The following KCTD14 variants were observed in gnomAD, a reference collection of about 807,000 sequenced individuals.
The protein encoded by KCTD14 is BTB/POZ domain-containing protein KCTD14.
A neutral mutation model predicts 5.9 loss-of-function variants in KCTD14; 7 were observed. That is an observed-to-expected ratio of 1.19 (90% confidence interval 0.68 to 2.23). KCTD14 has a LOEUF of 2.23. Among genes scored for constraint, KCTD14 ranks in the 30% most tolerant of loss-of-function variants. KCTD14 has a pLI of 0.00. For synonymous variants in KCTD14, 140 were observed against 133.1 expected (o/e 1.05, Z -0.36); for missense variants, 342 against 332.2 (o/e 1.03, Z -0.23).
At chr11:78,035,139 G>C (rs9651741) in intron 2 of KCTD14, among the ~76,000 whole-genome samples, 57,711 of 151,948 alleles carry the variant, frequency 0.38, 11,534 homozygotes, top group Non-Finnish European at 0.45. Context: ...TGTCACTTCT[G>C]GCATTCTAAA....
At position 78,023,263 on chromosome 11, in the gene KCTD14, G is replaced by C; in HGVS notation, c.-14C>G. The stretch of plus-strand genomic sequence containing the variant: ...GCCCTGCCACATGCAGATCACTTGG[G>C]CCAGCGGAAGTGCCCCTGGCTGCCC... On this transcript the variant is annotated 5_prime_UTR_variant, in exon 1 of 2. Transcript: ENST00000353172. The C allele has an allele frequency of 6.2e-7, 1 of 1,608,134 alleles. No individual in the cohort carries two copies. The highest frequency in any genetic ancestry group is 1.1e-5 in the South Asian group (1 of 90,974).
At position 78,023,178 on chromosome 11, in the gene KCTD14, G is replaced by A; in HGVS notation, c.72C>T (p.Pro24=). ...CACTTACCGTTGGCCGCCTGGGCCG[G>A]GGGGACTGGGGCAGAGGGGTCTGGC... The part of the protein sequence containing the change: ...MTSQTPLPQS[P]RPRRPTMSTV... The change falls in exon 1 of 2, where the codon CCC becomes CCT. Residue 24 remains proline, a synonymous_variant. Coordinates refer to ENST00000353172, the MANE Select transcript of KCTD14 (RefSeq NM_023930.4). The A allele has an allele frequency of 6.3e-7, 1 of 1,596,836 alleles. No homozygotes were observed. Among genetic ancestry groups the A allele is most frequent in the South Asian group, 1.1e-5 (1 of 90,572 alleles).
chr11:78,036,261 T>G (rs1857800494), intron 2 of KCTD14, among the ~76,000 whole-genome samples: 1 of 152,346 alleles, frequency 6.6e-6, no homozygotes, highest in East Asian at 1.9e-4. Flanking sequence ...CAAGTGTGAG[T>G]GTGAATGTGT....
intron 2 of KCTD14, among the ~76,000 whole-genome samples, chr11:78,033,186 C>T (rs1857678292): frequency 6.6e-6 from 1 of 152,144 alleles, no homozygotes; most frequent in Non-Finnish European, 1.5e-5. Context: ...AGGATTAGCC[C>T]CTAGAGCACA....
intron 2 of KCTD14, among the ~76,000 whole-genome samples, chr11:78,033,079 G>T (rs1857674717): frequency 6.6e-6 from 1 of 152,138 alleles, no homozygotes; most frequent in Admixed American, 6.5e-5. Context: ...CTTGAGTATG[G>T]TTAAGATCCC....
At chr11:78,038,494 G>A (rs77173917) in intron 2 of KCTD14, among the ~76,000 whole-genome samples, 11,722 of 152,178 alleles carry the variant, frequency 0.077, 1,481 homozygotes, top group African/African-American at 0.27. Flanking sequence ...CTCCCAACTT[G>A]TCCTCCTTGG....
intron 1 of KCTD14, among the ~76,000 whole-genome samples, chr11:78,019,072 A>G (rs144126863): frequency 3.4e-4 from 50 of 145,852 alleles, no homozygotes; most frequent in African/African-American, 1.3e-3. Flanking sequence ...CGCCCAGGCT[A>G]GAGTGCAGTG....
In KCTD14 at chr11:78,016,646, T is replaced by C. The variant is rs1412685791; in HGVS notation, c.715A>G (p.Lys239Glu). The C allele has an allele frequency of 4.3e-6, 7 of 1,614,176 alleles. No individual in the cohort carries two copies. Among genetic ancestry groups the C allele is most frequent in the Admixed American group, 1.7e-5 (1 of 60,024 alleles). ...FSKFYLTYPT[K>E]RNEFHFNIYS... ...ATGTTAAAATGGAATTCGTTTCTTTTGGTGGGGTACGTCAGGTAGAACTTG... is the reference window on the plus strand; with the variant it reads ...ATGTTAAAATGGAATTCGTTTCTTTCGGTGGGGTACGTCAGGTAGAACTTG... Residue 239 changes from lysine (K) to glutamate (E), a missense_variant, in exon 2 of 2, where the codon AAA (lysine) becomes GAA (glutamate). Transcript: ENST00000353172.
chr11:78,038,057 G>C (rs113521420), intron 2 of KCTD14, among the ~76,000 whole-genome samples: 3,249 of 150,878 alleles, frequency 0.022, 115 homozygotes, highest in African/African-American at 0.075. Flanking sequence ...GACCAGCATG[G>C]ATTAAGGCAC....
In KCTD14 at chr11:78,035,897, C is replaced by T. The variant is rs528765339; in HGVS notation, c.-1+2767G>A. On this transcript the variant is annotated intron_variant, in intron 2 of 2. Coordinates refer to the KCTD14 transcript ENST00000533144. ...CTTCATGGCCGGGCACAGTGGCTCACGCCTGTAATTCCAGCACTTTGGGAG... is the reference window on the plus strand; with the variant it reads ...CTTCATGGCCGGGCACAGTGGCTCATGCCTGTAATTCCAGCACTTTGGGAG... Among the ~76,000 whole-genome samples the T allele has an allele frequency of 2.0e-5, 3 of 149,918 alleles. No homozygotes were observed. The East Asian group carries it at 5.9e-4, about 29-fold the overall frequency.
In KCTD14 at chr11:78,023,225, G is replaced by A. The variant is rs541681967; in HGVS notation, c.25C>T (p.Arg9Trp). ...TGGCTCGTCATCCTGCCCACTGGCC[G>A]CTCCACTGCGCAGCCCTGCCACATG... MWQGCAVE[R>W]PVGRMTSQTP... is the part of the protein sequence containing the mutation. Residue 9 changes from arginine to tryptophan, a missense_variant, in exon 1 of 2, where the codon CGG becomes TGG. By Grantham distance (101) the Arg-to-Trp change is moderately radical. Transcript: ENST00000353172. The A allele has an allele frequency of 2.1e-5, 34 of 1,608,134 alleles. No homozygotes were observed. Among genetic ancestry groups the A allele is most frequent in the East Asian group, 6.7e-5 (3 of 44,722 alleles).
At chr11:78,025,340 C>T (rs1857438533), upstream of KCTD14, among the ~76,000 whole-genome samples, 1 of 151,744 alleles carries the variant, frequency 6.6e-6, no homozygotes, top group African/African-American at 2.4e-5. Flanking sequence ...GCCAGTCTCT[C>T]TTTTCACATT....
chr11:78,017,992 G>A (rs185338418), intron 1 of KCTD14, among the ~76,000 whole-genome samples: 1 of 152,244 alleles, frequency 6.6e-6, no homozygotes, highest in African/African-American at 2.4e-5. Context: ...AGCTACTCAG[G>A]AGGCTGAGGC....
upstream of KCTD14, among the ~76,000 whole-genome samples, chr11:78,025,394 A>G (rs1331833171): frequency 6.6e-6 from 1 of 151,858 alleles, no homozygotes; most frequent in Non-Finnish European, 1.5e-5. Flanking sequence ...AGCTGATTAG[A>G]TTGTGCCCAC....
At chr11:78,028,626 C>T (rs1382410144) in intron 2 of KCTD14, among the ~76,000 whole-genome samples, 1 of 145,078 alleles carries the variant, frequency 6.9e-6, no homozygotes, top group East Asian at 2.0e-4. Context: ...AAAAAGCAGC[C>T]TGAGGGGACG....
intron 1 of KCTD14, among the ~76,000 whole-genome samples, chr11:78,041,584 C>T (rs1260814118): frequency 6.6e-6 from 1 of 152,258 alleles, no homozygotes; most frequent in Non-Finnish European, 1.5e-5. Context: ...TGGCAACCCC[C>T]TTTGGGTCCC....
chr11:78,018,548 A>C lies in KCTD14; in HGVS notation c.91-1278T>G, dbSNP rs1027031670. Among the ~76,000 whole-genome samples the C allele has an allele frequency of 2.6e-5, 4 of 152,174 alleles. No individual in the cohort carries two copies. In the East Asian group the frequency reaches 7.7e-4, roughly 29 times the overall value. ...ATGGTGAAACCCCATCTCTACTAAA[A>C]ATACAGTAATTAGCCAGGCATGGTG... On this transcript the variant is annotated intron_variant, in intron 1 of 1. Coordinates refer to ENST00000353172, the MANE Select transcript of KCTD14 (RefSeq NM_023930.4).
At chr11:78,038,827 G>A (rs1857898625) in intron 1 of KCTD14, 4 of 1,520,780 alleles carry the variant, frequency 2.6e-6, no homozygotes, top group Non-Finnish European at 3.5e-6. Context: ...GGAGTTCAGA[G>A]GGCCCAGGCC....
At chr11:78,034,664 C>T (rs1387737132) in intron 2 of KCTD14, among the ~76,000 whole-genome samples, 1 of 151,982 alleles carries the variant, frequency 6.6e-6, no homozygotes, top group East Asian at 1.9e-4. Flanking sequence ...CTTTCAGGTC[C>T]CTTCAGTGCA....
Sources: gnomAD v4.1 joint callset for allele counts (sites outside exome capture counted in the v4.1 genomes callset) on GRCh38, gnomAD v4.1.1 for gene constraint, MANE v1.5 for transcripts, NCBI Gene and HGNC (gene_info 2026-07-23, HGNC 2026-07-21) for gene names.